The following STK3 variants were observed in gnomAD, a reference collection of about 807,000 sequenced individuals.
The protein encoded by STK3 is serine/threonine-protein kinase 3.
In STK3, 41 loss-of-function variants were observed where a neutral mutation model predicts 58.0. The ratio of observed to expected loss-of-function variants is 0.71; its 90% CI spans 0.55 to 0.92. STK3 has a LOEUF of 0.92. STK3 is among the 40% of genes least tolerant of loss of function. The pLI is 0.00. For synonymous variants in STK3, 170 were observed against 191.0 expected, an observed-to-expected ratio of 0.89 and a Z score of 0.91; for missense variants, 479 against 602.7, an observed-to-expected ratio of 0.79 and a Z score of 2.15.
intron 6 of STK3, among the ~76,000 whole-genome samples, chr8:98,662,287 C>T (rs1297895609): frequency 6.6e-6 from 1 of 152,088 alleles, no homozygotes; most frequent in African/African-American, 2.4e-5. Context: ...TAATGTAATT[C>T]TTAATTTTTG....
chr8:98,544,810 C>T (rs893158101), intron 9 of STK3, among the ~76,000 whole-genome samples: 1 of 151,996 alleles, frequency 6.6e-6, no homozygotes, highest in Admixed American at 6.6e-5. Context: ...GGACAAACTT[C>T]GTGACTTATC....
chr8:98,810,175 T>C (rs1209689325), intron 1 of STK3, among the ~76,000 whole-genome samples: 1 of 152,196 alleles, frequency 6.6e-6, no homozygotes, highest in Non-Finnish European at 1.5e-5. Flanking sequence ...ACTGCTCTCA[T>C]GATCCAATCA....
At chr8:98,754,562 T>G (rs1420796872) in intron 3 of STK3, among the ~76,000 whole-genome samples, 1 of 151,592 alleles carries the variant, frequency 6.6e-6, no homozygotes, top group Non-Finnish European at 1.5e-5. Flanking sequence ...TAGGCTGGAG[T>G]GCAGTGGCAC....
intron 1 of STK3, among the ~76,000 whole-genome samples, chr8:98,381,842 A>T (rs1160275183): frequency 6.6e-6 from 1 of 152,232 alleles, no homozygotes; most frequent in African/African-American, 2.4e-5. Flanking sequence ...AGGCCAATGA[A>T]GGTGAATGAG....
chr8:98,712,950 C>A (rs1180071641), intron 4 of STK3, among the ~76,000 whole-genome samples: 2 of 152,204 alleles, frequency 1.3e-5, no homozygotes, highest in Non-Finnish European at 2.9e-5. Flanking sequence ...GACTACAGTG[C>A]AATCAAACTA....
chr8:98,889,664 T>A (rs1262140137), intron 1 of STK3: 3 of 152,200 alleles, frequency 2.0e-5, no homozygotes, highest in African/African-American at 7.2e-5. Context: ...AATGTTTTTT[T>A]ACCCTCAACG....
chr8:98,375,271 CAAAAAAAAACA>C (rs1481492701), intron 2 of STK3, among the ~76,000 whole-genome samples: 3 of 138,290 alleles, frequency 2.2e-5, no homozygotes, highest in African/African-American at 8.1e-5. Flanking sequence ...AAAAAAAAAA[CAAAAAAAAACA>C]AAAAAAAAAA....
At chr8:98,838,157 C>T (rs554912950) in intron 3 of STK3, among the ~76,000 whole-genome samples, 9 of 151,026 alleles carry the variant, frequency 6.0e-5, no homozygotes, top group African/African-American at 1.5e-4. Context: ...GCAGAAGAAT[C>T]GCTTGAACCC....
chr8:98,368,443 A>T (rs950715246), downstream of STK3, among the ~76,000 whole-genome samples: 1 of 152,210 alleles, frequency 6.6e-6, no homozygotes, highest in African/African-American at 2.4e-5. Context: ...GATTTGAAGG[A>T]GAAGCAGTTC....
At chr8:98,650,835 G>C (rs1488876010) in intron 6 of STK3, among the ~76,000 whole-genome samples, 1 of 152,250 alleles carries the variant, frequency 6.6e-6, no homozygotes, top group Non-Finnish European at 1.5e-5. Context: ...AAAGCAGCCA[G>C]GAAGCTCCAA....
At chr8:98,632,299 T>C (rs893211351) in intron 6 of STK3, among the ~76,000 whole-genome samples, 12 of 152,220 alleles carry the variant, frequency 7.9e-5, no homozygotes, top group Non-Finnish European at 1.6e-4. Flanking sequence ...TTGGCGACCA[T>C]GTGAACTCAC....
chr8:98,698,752 TCCCTTTGTGGGTAA>T (rs1825242999), intron 6 of STK3, among the ~76,000 whole-genome samples: 1 of 152,240 alleles, frequency 6.6e-6, no homozygotes, highest in South Asian at 2.1e-4. Context: ...CTGATGGGCT[TCCCTTTGTGGGTAA>T]CCCGACCTTT....
intron 10 of STK3, among the ~76,000 whole-genome samples, chr8:98,483,560 C>A (rs1325558449): frequency 2.6e-5 from 4 of 152,052 alleles, no homozygotes; most frequent in Non-Finnish European, 4.4e-5. Flanking sequence ...TCAATAAATT[C>A]AAATTGTTTT....
chr8:98,492,448 G>A (rs1372216947), intron 10 of STK3, among the ~76,000 whole-genome samples: 1 of 152,140 alleles, frequency 6.6e-6, no homozygotes, highest in East Asian at 1.9e-4. Flanking sequence ...GGAGAACTAA[G>A]TTAATCTAGA....
chr8:98,429,292 A>C (rs1818294720), intron 3 of STK3: 2 of 1,614,114 alleles, frequency 1.2e-6, no homozygotes, highest in Non-Finnish European at 1.7e-6. Context: ...GGAATGAAGG[A>C]GGTCCCTTCG....
At chr8:98,351,346 T>G in the STK3 span, among the ~76,000 whole-genome samples, 1 of 152,174 alleles carries the variant, frequency 6.6e-6, no homozygotes, top group Non-Finnish European at 1.5e-5. Flanking sequence ...GTACAACTAT[T>G]TTTTTAAGTG....
At chr8:98,920,121 A>G (rs1371453801) in intron 1 of STK3, among the ~76,000 whole-genome samples, 1 of 152,216 alleles carries the variant, frequency 6.6e-6, no homozygotes, top group African/African-American at 2.4e-5. Flanking sequence ...CGTGGTTTAA[A>G]TGTGTCCCAG....
chr8:98,942,562 G>C (rs1213582787), exon 1 of STK3: 1 of 152,248 alleles, frequency 6.6e-6, no homozygotes, highest in Admixed American at 6.5e-5. Flanking sequence ...AAAACCAAAC[G>C]GTTCTGCACC....
At chr8:98,494,206 A>C (rs1007349833) in intron 10 of STK3, among the ~76,000 whole-genome samples, 2 of 152,136 alleles carry the variant, frequency 1.3e-5, no homozygotes, top group Non-Finnish European at 2.9e-5. Context: ...TTTCCAACTC[A>C]ATTTCATGCT....
Sources: allele counts gnomAD v4.1 joint callset (sites outside exome capture counted in the v4.1 genomes callset), GRCh38; gene constraint gnomAD v4.1.1; transcripts MANE v1.5; gene names NCBI Gene and HGNC (gene_info 2026-07-23, HGNC 2026-07-21).